The following GRSF1 variants were observed in gnomAD, a reference collection of about 807,000 sequenced individuals.
GRSF1 encodes the protein G-rich sequence factor 1.
In GRSF1, 50 loss-of-function variants were observed where a neutral mutation model predicts 51.1. That is an observed-to-expected ratio of 0.98 (90% confidence interval 0.78 to 1.24). The LOEUF is 1.24. GRSF1 is among the 50% of genes most tolerant of loss of function. The pLI is 0.00. For synonymous variants in GRSF1, 293 were observed against 253.3 expected, an observed-to-expected ratio of 1.16 and a Z score of -1.49; for missense variants, 700 against 639.7, an observed-to-expected ratio of 1.09 and a Z score of -1.02.
At chr4:70,833,510 T>C (rs537525543) in intron 2 of GRSF1, among the ~76,000 whole-genome samples, 2 of 152,326 alleles carry the variant, frequency 1.3e-5, no homozygotes, top group East Asian at 1.9e-4. Context: ...TTCCTGATCA[T>C]TAAATAGCAA....
Position 70,818,594 on chromosome 4 carries a change from ATATT to A in GRSF1, c.*2289_*2292del. The A allele has an allele frequency of 6.6e-6, 1 of 152,338 alleles. No homozygotes were observed. Among genetic ancestry groups the A allele is most frequent in the African/African-American group, 2.4e-5 (1 of 41,572 alleles). The allele number at this position is 152,338 out of a possible 1,614,324, so 9.4% of individuals were successfully genotyped here. On this transcript the variant is annotated 3_prime_UTR_variant, in exon 10 of 10. Transcript: ENST00000254799. ...ATTTCTGCTTCATTGCCTGGTGTCAATATTTAGATGAGACCACAATATTCAGATG... is the reference window on the plus strand; with the variant it reads ...ATTTCTGCTTCATTGCCTGGTGTCAATAGATGAGACCACAATATTCAGATG...
intron 7 of GRSF1, 193 bp downstream of exon 7, chr4:70,825,931 C>CA (rs11384662): frequency 0.035 from 18,200 of 518,936 alleles, 1,190 homozygotes; most frequent in African/African-American, 0.21. Flanking sequence ...GACTCTGTCA[C>CA]AAAAAAAAGT....
chr4:70,839,565 G>C lies in GRSF1; in HGVS notation c.263C>G (p.Ala88Gly), dbSNP rs980878410. Residue 88 changes from alanine (A) to glycine (G), a missense_variant, in exon 1 of 10, where the codon GCC becomes GGC. Physicochemically the swap from Ala to Gly is moderately conservative, Grantham distance 60. Transcript: ENST00000254799. The stretch of plus-strand genomic sequence containing the variant: ...GGCAGAGTAGGACGCGGCGGCCGCG[G>C]CCGCGGCAGAGGTGGCCACAGCGGG... The part of the protein sequence containing the change: ...GPPAVATSAA[A>G]AAAASYSALR... 1 of 1,424,068 alleles carries C rather than the reference G, an allele frequency of 7.0e-7. No individual in the cohort carries two copies. Among genetic ancestry groups the C allele is most frequent in the Non-Finnish European group, 9.2e-7 (1 of 1,091,702 alleles). The allele number at this position is 1,424,068 out of a possible 1,614,324, so 88.2% of individuals were successfully genotyped here.
chr4:70,837,822 T>C (rs1046736908), intron 1 of GRSF1, among the ~76,000 whole-genome samples: 1 of 151,320 alleles, frequency 6.6e-6, no homozygotes, highest in African/African-American at 2.4e-5. Flanking sequence ...ATTTTTTTAG[T>C]AGACACGGAG....
At chr4:70,839,090 G>T in intron 1 of GRSF1, 1 of 1,268,044 alleles carries the variant, frequency 7.9e-7, no homozygotes, top group Non-Finnish European at 1.0e-6. Flanking sequence ...CAACCCTCCG[G>T]CGGGCTCGGG....
chr4:70,825,425 C>CA lies in GRSF1; in HGVS notation c.1263dup (p.Ala422CysfsTer7). ...GTGATTCTAACAGGCTTGAGTGGAG[C>CA]AAAAAACTAAACGACAAACAAAGGC... On this transcript the variant is annotated frameshift_variant, in exon 8 of 10. Coordinates refer to ENST00000254799, the MANE Select transcript of GRSF1 (RefSeq NM_002092.4). LOFTEE classifies it high-confidence loss of function. The CA allele has an allele frequency of 6.2e-7, 1 of 1,605,980 alleles. No homozygotes were observed. Among genetic ancestry groups the CA allele is most frequent in the Non-Finnish European group, 8.5e-7 (1 of 1,175,290 alleles).
At chr4:70,828,109 A>T in intron 5 of GRSF1, 73 bp from the exon 6 acceptor site, 1 of 1,042,896 alleles carries the variant, frequency 9.6e-7, no homozygotes, top group Non-Finnish European at 1.4e-6. Context: ...TAAAATAAAC[A>T]TGTATACATT....
At chr4:70,826,034 T>G in intron 7 of GRSF1, 90 bp downstream of exon 7, 2 of 1,139,178 alleles carry the variant, frequency 1.8e-6, no homozygotes, top group Non-Finnish European at 2.6e-6. Flanking sequence ...AACACTATAT[T>G]TTCTTCTCTA....
At chr4:70,831,432 C>A in intron 5 of GRSF1, 107 bp downstream of exon 5, 1 of 986,096 alleles carries the variant, frequency 1.0e-6, no homozygotes, top group Non-Finnish European at 1.5e-6. Flanking sequence ...CTACACTACT[C>A]TCTCTACTTT....
At chr4:70,830,802 G>A (rs1009229501) in intron 5 of GRSF1, among the ~76,000 whole-genome samples, 4 of 151,576 alleles carry the variant, frequency 2.6e-5, no homozygotes, top group South Asian at 2.1e-4. Context: ...CAGCCTAGGC[G>A]GCAGAGTGAA....
Position 70,825,460 on chromosome 4 carries a change from G to A in GRSF1, c.1258-29C>T, listed in dbSNP as rs535101121. 3.1e-6 allele frequency: 5 copies of A among 1,588,132 alleles called. No individual in the cohort carries two copies. The East Asian group carries it at 9.0e-5, about 29-fold the overall frequency. On this transcript the variant is annotated intron_variant, in intron 7 of 9. Transcript: ENST00000254799. ...AACGACAAACAAAGGCAGTCAAGAG[G>A]AACATGATGGATGTAAACCTACCTA...
intron 3 of GRSF1, among the ~76,000 whole-genome samples, chr4:70,832,791 T>C (rs1192479424): frequency 6.6e-6 from 1 of 151,980 alleles, no homozygotes; most frequent in Non-Finnish European, 1.5e-5. Flanking sequence ...CTAATAAAAA[T>C]ACAAAAATTA....
chr4:70,828,521 A>G (rs574147897), intron 5 of GRSF1, among the ~76,000 whole-genome samples: 1 of 113,762 alleles, frequency 8.8e-6, no homozygotes, highest in African/African-American at 2.9e-5. Flanking sequence ...AGTATCAATT[A>G]TGACTTGCTA....
intron 2 of GRSF1, 89 bp downstream of exon 2, chr4:70,836,069 C>CAA (rs1734193866): frequency 2.7e-6 from 2 of 752,062 alleles, no homozygotes; most frequent in Non-Finnish European, 4.0e-6. Flanking sequence ...TTTACTCAGA[C>CAA]AAAATTACAT....
At chr4:70,842,752 T>C (rs954135624), upstream of GRSF1, among the ~76,000 whole-genome samples, 1 of 152,220 alleles carries the variant, frequency 6.6e-6, no homozygotes, top group African/African-American at 2.4e-5. Flanking sequence ...GCAGTCATCA[T>C]CTATAACATA....
intron 2 of GRSF1, among the ~76,000 whole-genome samples, chr4:70,833,780 A>C (rs113293611): frequency 6.6e-6 from 1 of 152,060 alleles, no homozygotes; most frequent in Admixed American, 6.6e-5. Flanking sequence ...TAGTCTCCCA[A>C]AGTGCTGGGA....
At position 70,826,134 on chromosome 4, in the gene GRSF1, T is replaced by C; in HGVS notation, c.1247A>G (p.Asp416Gly). The stretch of plus-strand genomic sequence containing the variant: ...CTTACTGCCACACACGTTTATAATG[T>C]CTTGGGCATTGGCTTGGAAAGGTAA... ...RGLPFQANAQ[D>G]IINFFAPLKP... Residue 416 changes from aspartate (D) to glycine (G), a missense_variant, in exon 7 of 10, where the codon GAC becomes GGC. Coordinates refer to ENST00000254799, the MANE Select transcript of GRSF1 (RefSeq NM_002092.4). The C allele has an allele frequency of 1.9e-6, 3 of 1,611,236 alleles. No homozygotes were observed. The highest frequency in any genetic ancestry group is 2.5e-6 in the Non-Finnish European group (3 of 1,178,432).
chr4:70,833,068 A>T (rs1401880688), intron 3 of GRSF1, 50 bp downstream of exon 3: 2 of 1,541,258 alleles, frequency 1.3e-6, no homozygotes, highest in Non-Finnish European at 1.8e-6. Flanking sequence ...CTTGAAAAGT[A>T]TAAAACCTAA....
intron 1 of GRSF1, chr4:70,839,028 G>C: frequency 1.3e-6 from 1 of 780,468 alleles, no homozygotes; most frequent in Non-Finnish European, 1.8e-6. Context: ...GCGGCCGACC[G>C]AGAGGCGCCG....
Sources: gnomAD v4.1 joint callset for allele counts (sites outside exome capture counted in the v4.1 genomes callset) on GRCh38, gnomAD v4.1.1 for gene constraint, MANE v1.5 for transcripts, NCBI Gene and HGNC (gene_info 2026-07-23, HGNC 2026-07-21) for gene names.